Variants in ADARB2 observed in about 807,000 individuals in gnomAD.
The protein encoded by ADARB2 is adenosine deaminase RNA specific B2 (inactive), also known as inactive double-stranded RNA-specific editase B2.
ADARB2 carries 25 observed loss-of-function variants against 62.2 expected under a neutral mutation model. The observed-to-expected ratio is 0.40, with a 90% CI of 0.29 to 0.56. ADARB2 has a LOEUF of 0.56. ADARB2 is among the 20% of genes least tolerant of loss of function. The probability of loss-of-function intolerance (pLI) is 0.43; values close to 1 mark genes in which losing one functional copy is unlikely to be tolerated. For missense variants in ADARB2, 1,071 were observed against 1,077.4 expected (o/e 0.99, Z 0.08); for synonymous variants, 572 against 500.8 (o/e 1.14, Z -1.90).
chr10:1,515,491 A>T (rs779688511), intron 1 of ADARB2, among the ~76,000 whole-genome samples: 7 of 152,234 alleles, frequency 4.6e-5, no homozygotes, highest in Non-Finnish European at 8.8e-5. Context: ...GAGTAAGGAC[A>T]TCCCAGCAAG....
intron 1 of ADARB2, among the ~76,000 whole-genome samples, chr10:1,454,966 G>A (rs932303622): frequency 6.6e-6 from 1 of 152,182 alleles, no homozygotes; most frequent in African/African-American, 2.4e-5. Flanking sequence ...ACCAACAAGC[G>A]ACAGAGGAAA....
intron 2 of ADARB2, among the ~76,000 whole-genome samples, chr10:1,368,751 G>C (rs1832335897): frequency 6.6e-6 from 1 of 152,238 alleles, no homozygotes; most frequent in African/African-American, 2.4e-5. Flanking sequence ...GGCATACGAA[G>C]GGAAAAACAG....
chr10:1,712,259 C>T (rs1218844840), intron 1 of ADARB2, among the ~76,000 whole-genome samples: 1 of 152,114 alleles, frequency 6.6e-6, no homozygotes, highest in East Asian at 1.9e-4. Flanking sequence ...AGTAATTGCT[C>T]AAAACACGTT....
chr10:1,527,946 T>G (rs1020738095), intron 1 of ADARB2, among the ~76,000 whole-genome samples: 2 of 152,218 alleles, frequency 1.3e-5, no homozygotes, highest in Non-Finnish European at 2.9e-5. Flanking sequence ...AAGAATGCCA[T>G]TGAACTGAAC....
intron 1 of ADARB2, among the ~76,000 whole-genome samples, chr10:1,409,010 G>A (rs377253599): frequency 9.8e-5 from 15 of 152,334 alleles, no homozygotes; most frequent in African/African-American, 1.4e-4. Context: ...AGGCTGGGCC[G>A]GCTGTGCTGC....
At chr10:1,630,431 G>A (rs78423062) in intron 1 of ADARB2, among the ~76,000 whole-genome samples, 4,894 of 152,178 alleles carry the variant, frequency 0.032, 273 homozygotes, top group African/African-American at 0.11. Context: ...GGGAGGGGGC[G>A]GAGGAAAGTG....
intron 1 of ADARB2, among the ~76,000 whole-genome samples, chr10:1,570,201 A>C (rs1180143869): frequency 1.3e-5 from 2 of 152,232 alleles, no homozygotes; most frequent in African/African-American, 2.4e-5. Flanking sequence ...TTAACAGTAT[A>C]TGTTGAAGTT....
chr10:1,349,307 C>T (rs1415183489), intron 3 of ADARB2, among the ~76,000 whole-genome samples: 1 of 152,100 alleles, frequency 6.6e-6, no homozygotes, highest in Non-Finnish European at 1.5e-5. Flanking sequence ...CCCACCCCTA[C>T]CTCCCTTCGC....
chr10:1,190,313 C>T (rs1227526346), intron 8 of ADARB2, among the ~76,000 whole-genome samples: 1 of 150,814 alleles, frequency 6.6e-6, no homozygotes, highest in Non-Finnish European at 1.5e-5. Context: ...TTCCTGTGAA[C>T]CTCTGGCATC....
At chr10:1,511,057 A>G (rs72764946) in intron 1 of ADARB2, among the ~76,000 whole-genome samples, 2 of 152,060 alleles carry the variant, frequency 1.3e-5, no homozygotes, top group Non-Finnish European at 2.9e-5. Flanking sequence ...GTTTTGCCAC[A>G]TGGGCCAGGC....
At chr10:1,253,829 A>T (rs1831056455) in intron 4 of ADARB2, among the ~76,000 whole-genome samples, 2 of 152,232 alleles carry the variant, frequency 1.3e-5, no homozygotes, top group African/African-American at 4.8e-5. Flanking sequence ...GAAGACTGGG[A>T]GCAGCCTGCA....
intron 3 of ADARB2, among the ~76,000 whole-genome samples, chr10:1,276,917 C>T (rs1011059386): frequency 6.6e-5 from 10 of 152,190 alleles, no homozygotes; most frequent in Admixed American, 1.3e-4. Flanking sequence ...TTTCAGACCA[C>T]AGTGCAATCA....
chr10:1,420,703 C>T (rs898150264), intron 1 of ADARB2, among the ~76,000 whole-genome samples: 3 of 151,974 alleles, frequency 2.0e-5, no homozygotes, highest in Non-Finnish European at 4.4e-5. Flanking sequence ...GAGGGAGCCG[C>T]TGCCTGCCGC....
At chr10:1,731,180 G>C (rs1287715176) in intron 1 of ADARB2, among the ~76,000 whole-genome samples, 1 of 152,166 alleles carries the variant, frequency 6.6e-6, no homozygotes, top group African/African-American at 2.4e-5. Context: ...TTTGGATGTG[G>C]TTTCCGGGAA....
At chr10:1,696,360 G>T (rs535077410) in intron 1 of ADARB2, among the ~76,000 whole-genome samples, 1 of 152,128 alleles carries the variant, frequency 6.6e-6, no homozygotes, top group African/African-American at 2.4e-5. Context: ...ATGTGTAGAG[G>T]CAGTGAGTGA....
chr10:1,430,402 C>T (rs1830766839), intron 1 of ADARB2, among the ~76,000 whole-genome samples: 1 of 152,100 alleles, frequency 6.6e-6, no homozygotes, highest in Non-Finnish European at 1.5e-5. Flanking sequence ...AATAATTATG[C>T]TAATTGTAAA....
At chr10:1,302,023 A>C (rs1298049034) in intron 3 of ADARB2, among the ~76,000 whole-genome samples, 2 of 152,150 alleles carry the variant, frequency 1.3e-5, no homozygotes, top group Non-Finnish European at 2.9e-5. Flanking sequence ...TCTAGGGAGG[A>C]GCCAAGATGG....
At chr10:1,485,538 C>A (rs750442899) in intron 1 of ADARB2, among the ~76,000 whole-genome samples, 32 of 152,282 alleles carry the variant, frequency 2.1e-4, no homozygotes, top group Non-Finnish European at 4.3e-4. Context: ...GGCCGCTGCC[C>A]ACTTGCAGTG....
intron 3 of ADARB2, among the ~76,000 whole-genome samples, chr10:1,299,934 C>G (rs1328686000): frequency 6.6e-6 from 1 of 152,202 alleles, no homozygotes; most frequent in African/African-American, 2.4e-5. Flanking sequence ...CTAACGGCCA[C>G]TTCACGCCTG....
Sources: gnomAD v4.1 joint callset for allele counts (sites outside exome capture counted in the v4.1 genomes callset) on GRCh38, gnomAD v4.1.1 for gene constraint, MANE v1.5 for transcripts, NCBI Gene and HGNC (gene_info 2026-07-23, HGNC 2026-07-21) for gene names.